The following CNTN5 variants were observed in gnomAD, a reference collection of about 807,000 sequenced individuals.
The protein encoded by CNTN5 is contactin 5.
CNTN5 carries 77 observed loss-of-function variants against 129.1 expected under a neutral mutation model. The ratio of observed to expected loss-of-function variants is 0.60; its 90% confidence interval spans 0.50 to 0.72. The LOEUF (loss-of-function observed/expected upper bound fraction) is 0.72. CNTN5 is among the 30% of genes least tolerant of loss of function. CNTN5 has a pLI of 0.00. For synonymous variants in CNTN5, 509 were observed against 465.6 expected (o/e 1.09, Z -1.20); for missense variants, 1,478 against 1,328.8 (o/e 1.11, Z -1.75).
intron 3 of CNTN5, among the ~76,000 whole-genome samples, chr11:99,744,705 G>A (rs1435414350): frequency 4.9e-5 from 7 of 142,768 alleles, no homozygotes; most frequent in Non-Finnish European, 7.6e-5. Flanking sequence ...GGGCAACAGG[G>A]TAAGACCCTG....
chr11:99,698,044 T>A (rs78381123), intron 3 of CNTN5, among the ~76,000 whole-genome samples: 3,877 of 149,846 alleles, frequency 0.026, 168 homozygotes, highest in African/African-American at 0.087. Flanking sequence ...ATTTGCACAG[T>A]TTAGTTTATA....
At chr11:100,097,240 C>A (rs571603856) in intron 13 of CNTN5, among the ~76,000 whole-genome samples, 10 of 152,150 alleles carry the variant, frequency 6.6e-5, no homozygotes, top group Admixed American at 1.3e-4. Context: ...TATTAGATAT[C>A]ATTCAATCTA....
intron 1 of CNTN5, among the ~76,000 whole-genome samples, chr11:99,091,608 G>T (rs1314377521): frequency 3.9e-5 from 6 of 152,126 alleles, no homozygotes; most frequent in Admixed American, 3.9e-4. Flanking sequence ...CAAGGGAGAG[G>T]TTGTCTATCA....
intron 4 of CNTN5, among the ~76,000 whole-genome samples, chr11:99,833,316 G>A: frequency 6.6e-6 from 1 of 152,054 alleles, no homozygotes; most frequent in East Asian, 1.9e-4. Context: ...ATAATATACA[G>A]ACAATCCCTA....
chr11:99,840,670 C>T (rs1379132800), intron 4 of CNTN5, among the ~76,000 whole-genome samples: 2 of 152,066 alleles, frequency 1.3e-5, no homozygotes, highest in Non-Finnish European at 2.9e-5. Context: ...TTTTATGAGA[C>T]GTTAACATTG....
intron 15 of CNTN5, among the ~76,000 whole-genome samples, chr11:100,204,436 A>G (rs1269206808): frequency 6.8e-6 from 1 of 147,090 alleles, no homozygotes; most frequent in Non-Finnish European, 1.5e-5. Flanking sequence ...ATAGATATCT[A>G]TAGATCTATA....
intron 2 of CNTN5, among the ~76,000 whole-genome samples, chr11:99,411,890 G>A (rs770094298): frequency 1.3e-5 from 2 of 152,094 alleles, no homozygotes; most frequent in South Asian, 2.1e-4. Context: ...ATAGACTAAC[G>A]GAATAAATAA....
chr11:100,149,843 G>A (rs778781012), intron 13 of CNTN5, among the ~76,000 whole-genome samples: 3 of 145,948 alleles, frequency 2.1e-5, no homozygotes, highest in East Asian at 2.1e-4. Context: ...GCAGTGAGCC[G>A]AGCTTGTGCC....
chr11:99,775,704 C>T (rs1145374), intron 3 of CNTN5, among the ~76,000 whole-genome samples: 150,048 of 152,098 alleles, frequency 0.99, 74,036 homozygotes, highest in East Asian at 1. Flanking sequence ...ATATTTACCT[C>T]TGTGTGCTAT....
chr11:99,503,563 G>T (rs1011742466), intron 2 of CNTN5, among the ~76,000 whole-genome samples: 1 of 152,126 alleles, frequency 6.6e-6, no homozygotes, highest in East Asian at 1.9e-4. Context: ...GTAATTTAGG[G>T]CAAAATCTGT....
chr11:100,186,616 G>A (rs575932231), intron 13 of CNTN5, among the ~76,000 whole-genome samples: 1 of 152,064 alleles, frequency 6.6e-6, no homozygotes, highest in Non-Finnish European at 1.5e-5. Flanking sequence ...TAGAGACCAG[G>A]ACATAAGTGT....
chr11:100,025,896 G>A (rs1081340), intron 9 of CNTN5, among the ~76,000 whole-genome samples: 2 of 152,084 alleles, frequency 1.3e-5, no homozygotes, highest in Non-Finnish European at 2.9e-5. Flanking sequence ...GGGACTTGTC[G>A]TGTCTCAGAT....
intron 3 of CNTN5, among the ~76,000 whole-genome samples, chr11:99,785,885 C>A (rs1253197955): frequency 6.6e-6 from 1 of 152,090 alleles, no homozygotes; most frequent in Non-Finnish European, 1.5e-5. Flanking sequence ...ATGACAAACT[C>A]ACAGCCAATA....
intron 1 of CNTN5, among the ~76,000 whole-genome samples, chr11:99,137,903 G>A (rs1342313708): frequency 2.0e-5 from 3 of 152,050 alleles, no homozygotes; most frequent in Non-Finnish European, 2.9e-5. Flanking sequence ...ACATCCTCTT[G>A]GCATTGAAAG....
intron 1 of CNTN5, among the ~76,000 whole-genome samples, chr11:99,198,143 C>T (rs1162552302): frequency 1.3e-5 from 2 of 152,064 alleles, no homozygotes; most frequent in East Asian, 3.9e-4. Context: ...CAAATGCTCA[C>T]CCTGTTTTTT....
intron 3 of CNTN5, among the ~76,000 whole-genome samples, chr11:99,646,565 AAT>A (rs1951970322): frequency 1.3e-5 from 2 of 152,170 alleles, no homozygotes; most frequent in Non-Finnish European, 2.9e-5. Context: ...CTGACTGGTC[AAT>A]ATGACTATTT....
chr11:99,491,481 G>C (rs1161464230), intron 2 of CNTN5, among the ~76,000 whole-genome samples: 1 of 152,138 alleles, frequency 6.6e-6, no homozygotes, highest in Admixed American at 6.5e-5. Context: ...AGAAGAGCCT[G>C]AGATTTCCAG....
chr11:99,331,136 G>A (rs1279445288), intron 2 of CNTN5, among the ~76,000 whole-genome samples: 1 of 151,986 alleles, frequency 6.6e-6, no homozygotes, highest in Non-Finnish European at 1.5e-5. Context: ...AGTTAATTTA[G>A]CAAAATTAAG....
chr11:100,120,902 T>G (rs1945996983), intron 13 of CNTN5, among the ~76,000 whole-genome samples: 1 of 152,024 alleles, frequency 6.6e-6, no homozygotes, highest in South Asian at 2.1e-4. Context: ...CATAAGTAAT[T>G]CGATAGACTA....
Sources: allele counts gnomAD v4.1 joint callset (sites outside exome capture counted in the v4.1 genomes callset), GRCh38; gene constraint gnomAD v4.1.1; transcripts MANE v1.5; gene names NCBI Gene and HGNC (gene_info 2026-07-23, HGNC 2026-07-21).